FOXP1: variants seen among roughly 807,000 people sequenced by gnomAD.
FOXP1 encodes forkhead box protein P1.
FOXP1 carries 15 observed loss-of-function variants against 98.2 expected under a neutral mutation model. The observed-to-expected ratio is 0.15, with a 90% CI of 0.10 to 0.24. The LOEUF (loss-of-function observed/expected upper bound fraction) is 0.24. Among genes scored for constraint, FOXP1 ranks in the 10% least tolerant of loss-of-function variants. The pLI, the probability that FOXP1 is intolerant of heterozygous loss-of-function variation, is 1.00. For synonymous variants in FOXP1, 371 were observed against 314.5 expected (o/e 1.18, Z -1.90); for missense variants, 633 against 848.5 (o/e 0.75, Z 3.15).
At chr3:71,573,181 A>C (rs1211093807) in intron 2 of FOXP1, among the ~76,000 whole-genome samples, 1 of 152,244 alleles carries the variant, frequency 6.6e-6, no homozygotes, top group Non-Finnish European at 1.5e-5. Context: ...TTCTTAAGCA[A>C]AACAAAAGCA....
intron 6 of FOXP1, among the ~76,000 whole-genome samples, chr3:71,122,042 C>T (rs546637549): frequency 3.3e-5 from 5 of 152,244 alleles, no homozygotes; most frequent in African/African-American, 1.2e-4. Context: ...ATGAGACTTG[C>T]TAATTTTGAA....
At chr3:71,229,054 T>A (rs2066074903) in intron 5 of FOXP1, among the ~76,000 whole-genome samples, 1 of 152,008 alleles carries the variant, frequency 6.6e-6, no homozygotes, top group African/African-American at 2.4e-5. Flanking sequence ...AGTTGGCCTT[T>A]TAAGGGGAAA....
intron 5 of FOXP1, among the ~76,000 whole-genome samples, chr3:71,238,212 G>A (rs1389592471): frequency 1.3e-5 from 2 of 152,226 alleles, no homozygotes; most frequent in Admixed American, 1.3e-4. Context: ...AGGCAGACAA[G>A]CAGGGCTTCA....
chr3:71,053,994 C>T (rs570548517), intron 7 of FOXP1, among the ~76,000 whole-genome samples: 14 of 152,286 alleles, frequency 9.2e-5, no homozygotes, highest in African/African-American at 3.4e-4. Context: ...ATGGGGGTTC[C>T]AGGCAGCCTT....
chr3:71,461,476 A>C (rs2088101494), intron 3 of FOXP1, among the ~76,000 whole-genome samples: 1 of 152,206 alleles, frequency 6.6e-6, no homozygotes, highest in Non-Finnish European at 1.5e-5. Flanking sequence ...CCTGGGCGAC[A>C]GAATGAGACC....
At chr3:71,357,128 C>A (rs2078217088) in intron 4 of FOXP1, among the ~76,000 whole-genome samples, 2 of 152,200 alleles carry the variant, frequency 1.3e-5, no homozygotes, top group Admixed American at 1.3e-4. Context: ...TCAGCAATGT[C>A]CCCTGCCCAT....
intron 7 of FOXP1, among the ~76,000 whole-genome samples, chr3:71,083,187 G>A (rs2054638039): frequency 6.6e-6 from 1 of 152,100 alleles, no homozygotes; most frequent in East Asian, 1.9e-4. Context: ...TCATGTCTTG[G>A]TGCTGTCCTC....
At position 71,546,626 on chromosome 3, in the gene FOXP1, C is replaced by T. The variant is rs570959061; in HGVS notation, c.-298+34923G>A. On this transcript the variant is annotated intron_variant, in intron 2 of 20. Coordinates refer to ENST00000649528, the MANE Select transcript of FOXP1 (RefSeq NM_001349338.3). ...GCCTGGGTGCAAGATACCCAACCAC[C>T]GAGATGCTGTTCATCAGGTACCCCA... Among the ~76,000 whole-genome samples, 14 of 152,180 alleles carry T rather than the reference C, an allele frequency of 9.2e-5. No homozygotes were observed. The South Asian group carries it at 2.9e-3, about 32-fold the overall frequency.
intron 2 of FOXP1, among the ~76,000 whole-genome samples, chr3:71,520,742 G>T (rs141129940): frequency 1.9e-3 from 286 of 152,308 alleles, no homozygotes; most frequent in Non-Finnish European, 3.6e-3. Flanking sequence ...GCCTCTAGGA[G>T]CCAAAACAGG....
chr3:71,517,552 G>A (rs1360638606), intron 2 of FOXP1, among the ~76,000 whole-genome samples: 2 of 152,138 alleles, frequency 1.3e-5, no homozygotes, highest in South Asian at 4.2e-4. Flanking sequence ...CAATCAACTC[G>A]AGATTTTTCA....
At chr3:71,183,543 G>A (rs2062460990) in intron 6 of FOXP1, among the ~76,000 whole-genome samples, 1 of 152,128 alleles carries the variant, frequency 6.6e-6, no homozygotes, top group South Asian at 2.1e-4. Flanking sequence ...AATGTTTGCA[G>A]ACAATTTACC....
chr3:71,245,258 GGTAAA>G (rs1318247126), intron 5 of FOXP1: 1 of 152,080 alleles, frequency 6.6e-6, no homozygotes, highest in East Asian at 1.9e-4. Context: ...GGATGTGTAT[GGTAAA>G]GTAAACAATA....
chr3:71,228,136 T>C (rs1242317096), intron 5 of FOXP1, among the ~76,000 whole-genome samples: 2 of 152,134 alleles, frequency 1.3e-5, no homozygotes, highest in Admixed American at 6.5e-5. Flanking sequence ...TCAGCAAACC[T>C]GTGGAGACTG....
intron 3 of FOXP1, among the ~76,000 whole-genome samples, chr3:71,380,322 T>A (rs922403901): frequency 1.3e-5 from 2 of 152,172 alleles, no homozygotes; most frequent in Non-Finnish European, 2.9e-5. Flanking sequence ...CACAATACCC[T>A]GACACACTGG....
intron 11 of FOXP1, among the ~76,000 whole-genome samples, chr3:71,018,803 T>A (rs1184305799): frequency 1.3e-5 from 2 of 152,184 alleles, no homozygotes; most frequent in African/African-American, 2.4e-5. Flanking sequence ...TCACCATACT[T>A]CTTACATCTT....
intron 3 of FOXP1, among the ~76,000 whole-genome samples, chr3:71,386,893 G>A (rs1490950608): frequency 6.6e-6 from 1 of 151,936 alleles, no homozygotes; most frequent in Non-Finnish European, 1.5e-5. Flanking sequence ...TAATGTTACT[G>A]AATTCTTTAC....
chr3:71,197,786 T>C, intron 6 of FOXP1: 2 of 1,212,134 alleles, frequency 1.6e-6, no homozygotes, highest in Non-Finnish European at 1.2e-6. Flanking sequence ...TCTACTCTTT[T>C]TCTCTCTTTT....
chr3:71,516,785 G>A (rs565688323), intron 2 of FOXP1, among the ~76,000 whole-genome samples: 3 of 152,190 alleles, frequency 2.0e-5, no homozygotes, highest in African/African-American at 7.2e-5. Flanking sequence ...GGCAGAGGTT[G>A]CAGTGAGCTG....
intron 3 of FOXP1, among the ~76,000 whole-genome samples, chr3:71,377,168 C>G (rs907271390): frequency 1.3e-5 from 2 of 152,084 alleles, no homozygotes; most frequent in Admixed American, 1.3e-4. Context: ...CAAATTCTGT[C>G]ATACATGTGA....
Sources: gnomAD v4.1 joint callset for allele counts (sites outside exome capture counted in the v4.1 genomes callset) on GRCh38, gnomAD v4.1.1 for gene constraint, MANE v1.5 for transcripts, NCBI Gene and HGNC (gene_info 2026-07-23, HGNC 2026-07-21) for gene names.